The following DCTN5 variants were observed in gnomAD, a reference collection of about 807,000 sequenced individuals.
DCTN5 encodes the protein dynactin 4.
In DCTN5, 14 loss-of-function variants were observed where a neutral mutation model predicts 23.5. That is an observed-to-expected ratio of 0.60 (90% CI 0.39 to 0.93). DCTN5 has a LOEUF of 0.93. Ranked by LOEUF, DCTN5 falls within the 40% of genes least tolerant of loss-of-function variation. The pLI, the probability that DCTN5 is intolerant of heterozygous loss-of-function variation, is 0.00. For synonymous variants in DCTN5, 67 were observed against 79.6 expected (o/e 0.84, Z 0.84); for missense variants, 156 against 225.9 (o/e 0.69, Z 1.98).
intron 5 of DCTN5, 94 bp downstream of exon 5, chr16:23,665,822 C>A: frequency 2.9e-6 from 3 of 1,034,442 alleles, no homozygotes; most frequent in Non-Finnish European, 4.3e-6. Context: ...CTATCTCTGG[C>A]AATATGTTGA....
chr16:23,654,433 AACAC>A (rs1298532625), intron 2 of DCTN5, among the ~76,000 whole-genome samples: 2 of 152,114 alleles, frequency 1.3e-5, no homozygotes, highest in African/African-American at 2.4e-5. Flanking sequence ...AGAGGGGAAC[AACAC>A]ACACTGGGGC....
chr16:23,651,144 A>G, intron 2 of DCTN5: 1 of 1,229,774 alleles, frequency 8.1e-7, no homozygotes, highest in South Asian at 2.3e-5. Flanking sequence ...CATGAGCCAA[A>G]CAATACAGGT....
intron 4 of DCTN5, among the ~76,000 whole-genome samples, chr16:23,663,480 G>A (rs1217288486): frequency 2.0e-5 from 3 of 152,154 alleles, no homozygotes; most frequent in African/African-American, 4.8e-5. Flanking sequence ...TTGGGAGGCC[G>A]AGGCAGGAGG....
intron 2 of DCTN5, among the ~76,000 whole-genome samples, chr16:23,648,411 G>T (rs145621930): frequency 6.9e-6 from 1 of 145,880 alleles, no homozygotes; most frequent in East Asian, 2.0e-4. Flanking sequence ...GTGCAGTGGT[G>T]CGATATCAAC....
chr16:23,658,351 T>C (rs1024103323), intron 2 of DCTN5, among the ~76,000 whole-genome samples, 156 bp from the exon 3 acceptor site: 4 of 152,216 alleles, frequency 2.6e-5, no homozygotes, highest in African/African-American at 9.7e-5. Flanking sequence ...GCAGTTCTCT[T>C]TTTACCTTAC....
chr16:23,651,238 G>C (rs1967599287), intron 2 of DCTN5: 2 of 998,324 alleles, frequency 2.0e-6, no homozygotes, highest in South Asian at 8.9e-5. Flanking sequence ...CTTTGCTTCT[G>C]TGAAGGGCAG....
At chr16:23,663,514 G>A (rs1458558603) in intron 4 of DCTN5, among the ~76,000 whole-genome samples, 1 of 152,146 alleles carries the variant, frequency 6.6e-6, no homozygotes, top group Non-Finnish European at 1.5e-5. Flanking sequence ...AGGAGTTTAA[G>A]ACCAGCCTGG....
rs1265882713 is a variant in DCTN5, at chr16:23,672,685, C to T, written c.*5541C>T. 6.6e-6 allele frequency: 1 copy of T among 152,168 alleles called. No individual in the cohort carries two copies. The highest frequency in any genetic ancestry group is 2.4e-5 in the African/African-American group (1 of 41,420). 9.4% of individuals were successfully genotyped at this position (152,168 alleles called of 1,614,324 possible). On this transcript the variant is annotated 3_prime_UTR_variant, in exon 6 of 6. Transcript: ENST00000300087. The stretch of plus-strand genomic sequence containing the variant: ...ATAAACCTTGGTTGGGTAAGTAACC[C>T]AAGGTAAATGAGATCATCTCTGTAA...
chr16:23,667,978 C>T lies in DCTN5; in HGVS notation c.*834C>T, dbSNP rs1967937256. The T allele has an allele frequency of 6.6e-6, 1 of 152,220 alleles. No individual in the cohort carries two copies. The highest frequency in any genetic ancestry group is 2.1e-4 in the South Asian group (1 of 4,834). 9.4% of individuals were successfully genotyped at this position (152,220 alleles called of 1,614,324 possible). On this transcript the variant is annotated 3_prime_UTR_variant, in exon 6 of 6. Coordinates refer to ENST00000300087, the MANE Select transcript of DCTN5 (RefSeq NM_032486.4). The stretch of plus-strand genomic sequence containing the variant: ...CTGGCCTAGAACCATTCAGCCTACC[C>T]TGTATTTGCCATAAACTCCACAATT...
chr16:23,676,406 A>T lies in DCTN5; in HGVS notation c.*9262A>T, dbSNP rs1959225942. On this transcript the variant is annotated 3_prime_UTR_variant, in exon 6 of 6. Coordinates refer to ENST00000300087, the MANE Select transcript of DCTN5 (RefSeq NM_032486.4). The stretch of plus-strand genomic sequence containing the variant: ...CCTGTAGTCCCTACAAAAATAAAAA[A>T]ATTAGCTGGGTGTGGTGGTGTGCAC... The T allele has an allele frequency of 1.3e-5, 2 of 152,134 alleles. No individual in the cohort carries two copies. Among genetic ancestry groups the T allele is most frequent in the South Asian group, 2.1e-4 (1 of 4,820 alleles). 9.4% of individuals were successfully genotyped at this position (152,134 alleles called of 1,614,324 possible).
chr16:23,644,824 C>T (rs1489245245), intron 2 of DCTN5, among the ~76,000 whole-genome samples: 1 of 151,204 alleles, frequency 6.6e-6, no homozygotes, highest in African/African-American at 2.4e-5. Flanking sequence ...GACAGTTGCC[C>T]AGGCTGGAGT....
chr16:23,659,958 A>T (rs1251414220), intron 3 of DCTN5, among the ~76,000 whole-genome samples: 4 of 152,356 alleles, frequency 2.6e-5, no homozygotes, highest in Non-Finnish European at 5.9e-5. Flanking sequence ...GAATGAAGGG[A>T]TGTGTAAATA....
chr16:23,658,502 T>G lies in DCTN5; in HGVS notation c.118-5T>G. On this transcript the variant is annotated splice_region_variant and splice_polypyrimidine_tract_variant and intron_variant, in intron 2 of 5. Coordinates refer to ENST00000300087, the MANE Select transcript of DCTN5 (RefSeq NM_032486.4). ...TAATTTTTTAAAATTTGCTTCGTCT[T>G]ACAGACCATTGTGATGAATGACTGT... 1.2e-6 allele frequency: 2 copies of G among 1,610,934 alleles called. No homozygotes were observed. Among genetic ancestry groups the G allele is most frequent in the Non-Finnish European group, 1.7e-6 (2 of 1,177,056 alleles).
intron 2 of DCTN5, chr16:23,651,202 C>G: frequency 9.5e-7 from 1 of 1,056,208 alleles, no homozygotes; most frequent in Non-Finnish European, 1.1e-6. Flanking sequence ...CTGCCTTGCC[C>G]ATTGTTGAGT....
chr16:23,655,558 T>C (rs1014108060), intron 2 of DCTN5, among the ~76,000 whole-genome samples: 9 of 151,506 alleles, frequency 5.9e-5, no homozygotes, highest in Admixed American at 1.3e-4. Context: ...TTTTTTTTTT[T>C]CTTGAGGCAC....
rs1299800982 is a variant in DCTN5 at position 23,671,568 on chromosome 16, TTAAG to T, written c.*4428_*4431del. Reference sequence around the variant, plus strand: ...CAGAGGAAACTGATATTCAGAGAGGTTAAGTAAATTTGCCCAATGCCACACATCT... The same window carrying T: ...CAGAGGAAACTGATATTCAGAGAGGTTAAATTTGCCCAATGCCACACATCT... On this transcript the variant is annotated 3_prime_UTR_variant, in exon 6 of 6. Coordinates refer to ENST00000300087, the MANE Select transcript of DCTN5 (RefSeq NM_032486.4). The T allele has an allele frequency of 6.6e-6, 1 of 151,964 alleles. No individual in the cohort carries two copies. Among genetic ancestry groups the T allele is most frequent in the East Asian group, 1.9e-4 (1 of 5,164 alleles). The allele number at this position is 151,964 out of a possible 1,614,324, so 9.4% of individuals were successfully genotyped here.
chr16:23,656,481 C>T (rs1210595690), intron 2 of DCTN5, among the ~76,000 whole-genome samples: 2 of 152,012 alleles, frequency 1.3e-5, no homozygotes, highest in African/African-American at 4.8e-5. Flanking sequence ...TCTCTCCATG[C>T]CATTTATATA....
rs1278777370 is a variant in DCTN5, at chr16:23,641,554, C to T, written c.12C>T (p.Gly4=). The T allele has an allele frequency of 6.2e-7, 1 of 1,613,960 alleles. No homozygotes were observed. Among genetic ancestry groups the T allele is most frequent in the Admixed American group, 1.7e-5 (1 of 59,994 alleles). Residue 4 remains glycine (G), a synonymous_variant, in exon 1 of 6, where the codon GGC becomes GGT. Transcript: ENST00000300087. MEL[G]ELLYNKSEYI... ...AGGAGGCGGCGGCCATGGAGTTGGG[C>T]GAGCTGCTCTACAACAAGTCTGAGT...
chr16:23,645,122 TA>T (rs1567228459), intron 2 of DCTN5, among the ~76,000 whole-genome samples: 821 of 40,868 alleles, frequency 0.02, 73 homozygotes, highest in African/African-American at 0.033. Context: ...TATATATATA[TA>T]TATATATATA....
Sources: gnomAD v4.1 joint callset for allele counts (sites outside exome capture counted in the v4.1 genomes callset) on GRCh38, gnomAD v4.1.1 for gene constraint, MANE v1.5 for transcripts, NCBI Gene and HGNC (gene_info 2026-07-23, HGNC 2026-07-21) for gene names.